Variants in WDR27 observed in about 807,000 individuals in gnomAD.
The protein encoded by WDR27 is WD repeat domain 27, also known as WD repeat-containing protein 27.
A neutral mutation model predicts 114.4 loss-of-function variants in WDR27; 100 were observed. The observed-to-expected ratio is 0.87, with a 90% CI of 0.74 to 1.03. WDR27 has a LOEUF of 1.03. WDR27 is among the 50% of genes least tolerant of loss of function. The probability of loss-of-function intolerance (pLI) is 0.00; values close to 1 mark genes in which losing one functional copy is unlikely to be tolerated. For missense variants in WDR27, 1,129 were observed against 1,092.9 expected (o/e 1.03, Z -0.47); for synonymous variants, 449 against 423.1 (o/e 1.06, Z -0.75).
At chr6:169,628,390 A>G (rs1815409378) in intron 21 of WDR27, among the ~76,000 whole-genome samples, 1 of 152,214 alleles carries the variant, frequency 6.6e-6, no homozygotes, top group Admixed American at 6.5e-5. Context: ...CCTCATGCGC[A>G]TCAGCCCGCC....
At chr6:169,451,411 T>A in the WDR27 span, among the ~76,000 whole-genome samples, 1 of 152,190 alleles carries the variant, frequency 6.6e-6, no homozygotes, top group Non-Finnish European at 1.5e-5. Context: ...CACCAGGACC[T>A]CCTGAGGCTG....
Position 169,659,733 on chromosome 6 carries a change from CT to C in WDR27, c.1130-216del, listed in dbSNP as rs1199561588. On this transcript the variant is annotated intron_variant, in intron 10 of 25. Coordinates refer to ENST00000448612, the MANE Select transcript of WDR27 (RefSeq NM_182552.5). This position sits in a 1 kb window ranked among gnomAD's most constrained non-coding sequence, Gnocchi z 4.3. ...GCACACACCACACACACACCAGGCCCTGAGCGTCACACATGCCAGGCTCCGC... is the reference window on the plus strand; with the variant it reads ...GCACACACCACACACACACCAGGCCCGAGCGTCACACATGCCAGGCTCCGC... 6.6e-6 allele frequency among the ~76,000 whole-genome samples: 1 copy of C among 152,122 alleles called. No homozygotes were observed. The highest frequency in any genetic ancestry group is 1.5e-5 in the Non-Finnish European group (1 of 68,020).
At chr6:169,636,245 G>T in intron 19 of WDR27, 126 bp downstream of exon 19, 1 of 1,119,868 alleles carries the variant, frequency 8.9e-7, no homozygotes, top group Non-Finnish European at 1.3e-6. Flanking sequence ...CTCATCAAGA[G>T]TTTGGTGATA....
intron 25 of WDR27, among the ~76,000 whole-genome samples, chr6:169,463,492 A>T (rs1309295508): frequency 6.6e-6 from 1 of 152,250 alleles, no homozygotes; most frequent in African/African-American, 2.4e-5. Flanking sequence ...CAAGGCAAGG[A>T]TGCCCGCTTT....
At chr6:169,634,394 G>A (rs375356309) in intron 20 of WDR27, 34 bp downstream of exon 20, 37 of 1,529,188 alleles carry the variant, frequency 2.4e-5, no homozygotes, top group African/African-American at 1.8e-4. Flanking sequence ...CACTCAGGGC[G>A]TAAAACCCTA....
the WDR27 span, among the ~76,000 whole-genome samples, chr6:169,429,028 G>C: frequency 6.6e-6 from 1 of 152,170 alleles, no homozygotes; most frequent in Non-Finnish European, 1.5e-5. Context: ...GCAGAGAGTA[G>C]GAAGCAGCAT....
intron 13 of WDR27, among the ~76,000 whole-genome samples, chr6:169,652,244 G>T (rs890023607): frequency 2.5e-4 from 38 of 151,892 alleles, no homozygotes; most frequent in Non-Finnish European, 4.4e-4. Context: ...TGTTGTTGTT[G>T]TTTTGTTGTT....
At chr6:169,525,810 G>T (rs768013543) in intron 25 of WDR27, among the ~76,000 whole-genome samples, 5 of 152,000 alleles carry the variant, frequency 3.3e-5, no homozygotes, top group African/African-American at 1.2e-4. Flanking sequence ...AGAACTATTC[G>T]CAACAGCCAA....
intron 25 of WDR27, among the ~76,000 whole-genome samples, chr6:169,489,960 C>G (rs1394645565): frequency 6.6e-6 from 1 of 152,214 alleles, no homozygotes; most frequent in Non-Finnish European, 1.5e-5. Flanking sequence ...TTCTAAGCAA[C>G]TTCTCTGCCC....
the WDR27 span, among the ~76,000 whole-genome samples, chr6:169,449,314 C>A: frequency 6.6e-6 from 1 of 152,130 alleles, no homozygotes; most frequent in African/African-American, 2.4e-5. Context: ...ATGTTTTCAC[C>A]TAAGGTAAAT....
At chr6:169,483,746 T>C (rs1160154235) in intron 25 of WDR27, among the ~76,000 whole-genome samples, 2 of 151,052 alleles carry the variant, frequency 1.3e-5, no homozygotes, top group Non-Finnish European at 2.9e-5. Flanking sequence ...CAGGCCAATA[T>C]CGTTGATGAG....
intron 25 of WDR27, among the ~76,000 whole-genome samples, chr6:169,549,264 G>A (rs1797813278): frequency 6.6e-6 from 1 of 152,160 alleles, no homozygotes; most frequent in Admixed American, 6.5e-5. Flanking sequence ...TGGCAAATAA[G>A]CATATAAAAA....
chr6:169,639,748 C>A (rs1341270137), intron 17 of WDR27, among the ~76,000 whole-genome samples: 1 of 152,168 alleles, frequency 6.6e-6, no homozygotes, highest in African/African-American at 2.4e-5. Flanking sequence ...GGGCCCAGAC[C>A]CTGAGCACGT....
chr6:169,517,949 C>G (rs1228029601), intron 25 of WDR27, among the ~76,000 whole-genome samples: 1 of 152,228 alleles, frequency 6.6e-6, no homozygotes, highest in Non-Finnish European at 1.5e-5. Flanking sequence ...GTTTATCCTA[C>G]TTGAAGTTTG....
At chr6:169,426,512 G>A in the WDR27 span, 1 of 152,100 alleles carries the variant, frequency 6.6e-6, no homozygotes, top group African/African-American at 2.4e-5. Context: ...GTCCATCAGA[G>A]CTATAAAATT....
chr6:169,564,959 T>C (rs899006106), intron 25 of WDR27, among the ~76,000 whole-genome samples: 6 of 152,168 alleles, frequency 3.9e-5, no homozygotes, highest in Admixed American at 1.3e-4. Context: ...TAAGTGACCA[T>C]GCCAGGGACC....
intron 25 of WDR27, among the ~76,000 whole-genome samples, chr6:169,494,813 T>C (rs1203980066): frequency 6.6e-6 from 1 of 152,198 alleles, no homozygotes; most frequent in African/African-American, 2.4e-5. Context: ...TAAATTTTCC[T>C]GTGGAATATT....
At chr6:169,437,585 C>T in the WDR27 span, among the ~76,000 whole-genome samples, 1 of 152,204 alleles carries the variant, frequency 6.6e-6, no homozygotes, top group East Asian at 1.9e-4. Context: ...AGTGGCTAGG[C>T]TTTATATGCA....
Position 169,638,086 on chromosome 6 carries a change from G to A in WDR27, c.1869+453C>T, listed in dbSNP as rs1334315580. ...AATCCCAGCACTTTGGGAGGCCGAG[G>A]CGGGTGGATCATGAGGTCAGGAGAT... is the stretch of plus-strand genomic sequence containing the variant. On this transcript the variant is annotated intron_variant, in intron 18 of 25. Transcript: ENST00000448612. Among the ~76,000 whole-genome samples the A allele has an allele frequency of 1.0e-4, 8 of 79,652 alleles. 1 individual carries two copies. The highest frequency in any genetic ancestry group is 1.9e-4 in the Non-Finnish European group (8 of 41,070). The allele number at this position is 79,652 out of a possible 152,430, so 52.3% of individuals were successfully genotyped here. A position where few individuals can be genotyped will look rare whatever the true frequency, so the allele number is the denominator to read the frequency against.
Sources: gnomAD v4.1 joint callset for allele counts (sites outside exome capture counted in the v4.1 genomes callset) on GRCh38, gnomAD v4.1.1 for gene constraint, Gnocchi (gnomAD v3.1) non-coding constraint, MANE v1.5 for transcripts, NCBI Gene and HGNC (gene_info 2026-07-23, HGNC 2026-07-21) for gene names.